The following TUSC3 variants were observed in gnomAD, a reference collection of about 807,000 sequenced individuals.
TUSC3 encodes the protein dolichyl-diphosphooligosaccharide--protein glycosyltransferase subunit TUSC3.
TUSC3 carries 45 observed loss-of-function variants against 44.8 expected under a neutral mutation model. The ratio of observed to expected loss-of-function variants is 1.00; its 90% CI spans 0.79 to 1.29. TUSC3 has a LOEUF of 1.29. Ranked by LOEUF, TUSC3 falls within the 50% of genes most tolerant of loss-of-function variation. The probability of loss-of-function intolerance (pLI) is 0.00; values close to 1 mark genes in which losing one functional copy is unlikely to be tolerated. For synonymous variants in TUSC3, 212 were observed against 152.9 expected (o/e 1.39, Z -2.85); for missense variants, 519 against 437.9 (o/e 1.19, Z -1.65).
chr8:15,608,915 A>T (rs1212338498), intron 1 of TUSC3, among the ~76,000 whole-genome samples: 2 of 152,174 alleles, frequency 1.3e-5, no homozygotes, highest in Admixed American at 1.3e-4. Context: ...GAAATCTTTG[A>T]TTCTACTCCC....
At chr8:15,836,201 C>A in the TUSC3 span, among the ~76,000 whole-genome samples, 1 of 151,732 alleles carries the variant, frequency 6.6e-6, no homozygotes, top group Non-Finnish European at 1.5e-5. Context: ...CACAGCTGGG[C>A]ATGGTAGTAC....
At chr8:15,819,411 C>T in the TUSC3 span, among the ~76,000 whole-genome samples, 62 of 152,106 alleles carry the variant, frequency 4.1e-4, no homozygotes, top group Non-Finnish European at 8.8e-4. Flanking sequence ...ACTTTCTCTC[C>T]ATCACCTCAT....
At chr8:15,641,361 C>CAAAA (rs34446791) in intron 2 of TUSC3, among the ~76,000 whole-genome samples, 30 of 99,446 alleles carry the variant, frequency 3.0e-4, no homozygotes, top group African/African-American at 1.1e-3. Context: ...GACTCCGTCT[C>CAAAA]AAAAAAAAAA....
chr8:15,478,961 A>G (rs1800621729), intron 1 of TUSC3, among the ~76,000 whole-genome samples: 2 of 152,086 alleles, frequency 1.3e-5, no homozygotes, highest in South Asian at 2.1e-4. Flanking sequence ...TTGACTTTTT[A>G]ATAACCATCA....
chr8:15,575,745 T>C lies in TUSC3; in HGVS notation c.138+35177T>C, dbSNP rs568292409. 4.6e-5 allele frequency among the ~76,000 whole-genome samples: 7 copies of C among 152,262 alleles called. No individual in the cohort carries two copies. In the East Asian group the frequency reaches 1.4e-3, roughly 29 times the overall value. ...TTGTTCCACTGCACTCCAGCTTGGGTGACAGAGTGAGACTCTGCCTTAAAA... is the reference window on the plus strand; with the variant it reads ...TTGTTCCACTGCACTCCAGCTTGGGCGACAGAGTGAGACTCTGCCTTAAAA... On this transcript the variant is annotated intron_variant, in intron 1 of 10. Coordinates refer to ENST00000503731, the MANE Select transcript of TUSC3 (RefSeq NM_006765.4).
chr8:15,672,788 C>G (rs544243613), intron 5 of TUSC3, among the ~76,000 whole-genome samples: 1 of 151,920 alleles, frequency 6.6e-6, no homozygotes, highest in African/African-American at 2.4e-5. Flanking sequence ...TCCTTGTTTT[C>G]TCCTTTAAAA....
chr8:15,743,652 T>C, intron 8 of TUSC3, 40 bp downstream of exon 8: 1 of 1,601,116 alleles, frequency 6.2e-7, no homozygotes, highest in Non-Finnish European at 8.6e-7. Context: ...TTCGTTTTAG[T>C]CTTAAGATTC....
At chr8:15,672,447 A>G (rs1223778471) in intron 5 of TUSC3, among the ~76,000 whole-genome samples, 1 of 152,004 alleles carries the variant, frequency 6.6e-6, no homozygotes, top group Admixed American at 6.6e-5. Context: ...TGCTACCAAT[A>G]TTATCCTCAT....
At chr8:15,449,167 A>G (rs1800160206) in intron 1 of TUSC3, among the ~76,000 whole-genome samples, 1 of 152,226 alleles carries the variant, frequency 6.6e-6, no homozygotes, top group Admixed American at 6.5e-5. Flanking sequence ...AGGTATTTCC[A>G]GAGTGGGAAG....
At chr8:15,773,745 A>T in the TUSC3 span, among the ~76,000 whole-genome samples, 5 of 152,196 alleles carry the variant, frequency 3.3e-5, no homozygotes, top group Non-Finnish European at 7.3e-5. Context: ...AAGGATAAAC[A>T]TATAGATTAA....
intron 5 of TUSC3, among the ~76,000 whole-genome samples, chr8:15,663,939 A>G (rs1251376896): frequency 1.3e-5 from 2 of 151,850 alleles, no homozygotes; most frequent in Non-Finnish European, 2.9e-5. Flanking sequence ...TCTTGTCACT[A>G]TTTTAGTCTA....
At chr8:15,536,038 G>A (rs1272663985), upstream of TUSC3, among the ~76,000 whole-genome samples, 2 of 152,168 alleles carry the variant, frequency 1.3e-5, no homozygotes, top group Non-Finnish European at 2.9e-5. Context: ...GTTTGTAACT[G>A]TATTTTATAT....
intron 9 of TUSC3, among the ~76,000 whole-genome samples, chr8:15,755,217 C>T (rs1398014983): frequency 6.6e-6 from 1 of 152,024 alleles, no homozygotes; most frequent in African/African-American, 2.4e-5. Flanking sequence ...TAACTTTTGT[C>T]AAGCTAAGTT....
intron 1 of TUSC3, among the ~76,000 whole-genome samples, chr8:15,612,627 A>G (rs968636492): frequency 6.6e-6 from 1 of 152,214 alleles, no homozygotes; most frequent in African/African-American, 2.4e-5. Flanking sequence ...TACAAGAAGG[A>G]AAAAATATAA....
intron 2 of TUSC3, among the ~76,000 whole-genome samples, chr8:15,524,364 T>C (rs556987640): frequency 5.3e-5 from 8 of 152,306 alleles, no homozygotes; most frequent in Non-Finnish European, 1.0e-4. Context: ...CCATGTCTAA[T>C]GGAAAGGAAT....
intron 2 of TUSC3, among the ~76,000 whole-genome samples, chr8:15,624,648 AT>A (rs1277415098): frequency 6.6e-6 from 1 of 151,984 alleles, no homozygotes; most frequent in Non-Finnish European, 1.5e-5. Context: ...CCCCTTTCTA[AT>A]TGGATTCTTT....
At chr8:15,493,104 C>T (rs1248068442) in intron 2 of TUSC3, among the ~76,000 whole-genome samples, 1 of 152,006 alleles carries the variant, frequency 6.6e-6, no homozygotes, top group Admixed American at 6.6e-5. Context: ...AAAAATCCTG[C>T]AAGGTAGATA....
chr8:15,458,514 C>G (rs972315484), intron 1 of TUSC3, among the ~76,000 whole-genome samples: 3 of 152,156 alleles, frequency 2.0e-5, no homozygotes, highest in East Asian at 1.9e-4. Flanking sequence ...GCTGGCCATA[C>G]AGGTGGAAGC....
At chr8:15,771,084 A>C (rs982357951), downstream of TUSC3, among the ~76,000 whole-genome samples, 1 of 152,182 alleles carries the variant, frequency 6.6e-6, no homozygotes, top group African/African-American at 2.4e-5. Flanking sequence ...ATTAGAGGCC[A>C]TTAAGGCAGA....
Sources: gnomAD v4.1 joint callset for allele counts (sites outside exome capture counted in the v4.1 genomes callset) on GRCh38, gnomAD v4.1.1 for gene constraint, MANE v1.5 for transcripts, NCBI Gene and HGNC (gene_info 2026-07-23, HGNC 2026-07-21) for gene names.